The following DET1 variants were observed in gnomAD, a reference collection of about 807,000 sequenced individuals.
DET1 encodes the protein DET1 homolog.
Under a neutral mutation model 43.7 loss-of-function variants are expected in DET1, and 22 were observed. That is an observed-to-expected ratio of 0.50 (90% confidence interval 0.36 to 0.72). The LOEUF (loss-of-function observed/expected upper bound fraction) is 0.72. DET1 is among the 30% of genes least tolerant of loss of function. DET1 has a pLI of 0.00. For synonymous variants in DET1, 315 were observed against 266.2 expected, an observed-to-expected ratio of 1.18 and a Z score of -1.79; for missense variants, 713 against 713.3, an observed-to-expected ratio of 1.00 and a Z score of 0.00.
intron 8 of DET1, chr15:88,502,806 C>T (rs1211233960): frequency 6.6e-6 from 1 of 152,220 alleles, no homozygotes; most frequent in Non-Finnish European, 1.5e-5. Flanking sequence ...CAAGGCACCT[C>T]TTTCTAAGAG....
rs368867850 is a variant in DET1 at position 88,513,122 on chromosome 15, C to T, written c.1482G>A (p.Ser494=). ...DHPIRFYARD[S]GLLKFEIQAG... ...CCTGGATCTCAAACTTGAGCAGGCC[C>T]GAGTCCCGGGCATAGAACCTAAAAA... Residue 494 remains serine, a synonymous_variant, in exon 5 of 5, where the codon TCG becomes TCA. Coordinates refer to ENST00000268148, the MANE Select transcript of DET1 (RefSeq NM_001144074.3). The T allele has an allele frequency of 2.4e-5, 38 of 1,612,128 alleles. No homozygotes were observed. The Admixed American group carries it at 2.5e-4, about 11-fold the overall frequency.
chr15:88,514,433 A>G (rs1367032714), intron 4 of DET1, among the ~76,000 whole-genome samples: 8 of 152,232 alleles, frequency 5.3e-5, no homozygotes, highest in Non-Finnish European at 8.8e-5. Flanking sequence ...ATAATCTCAT[A>G]TCCAAGAATT....
At chr15:88,505,086 ACTT>A (rs1246117005) in intron 7 of DET1, 1 of 152,062 alleles carries the variant, frequency 6.6e-6, no homozygotes, top group African/African-American at 2.4e-5. Context: ...CTCTAGTTTC[ACTT>A]CTTTCTATAT....
chr15:88,518,992 T>G (rs532471474), intron 3 of DET1, among the ~76,000 whole-genome samples: 2 of 152,246 alleles, frequency 1.3e-5, no homozygotes, highest in South Asian at 4.1e-4. Context: ...TTTTTCCCTT[T>G]CATTTGAGCT....
In DET1 at chr15:88,527,591, C is replaced by T. The variant is rs545648524; in HGVS notation, c.1271+8G>A. 16 of 1,584,978 alleles carry T rather than the reference C, an allele frequency of 1.0e-5. No individual in the cohort carries two copies. In the South Asian group the frequency reaches 1.8e-4, roughly 18 times the overall value. ...GAAAAGACTGTTGAGTCTGGTGGAA[C>T]AGCTTACCGGCGCTGGATCTGCCTT... On this transcript the variant is annotated splice_region_variant and intron_variant, in intron 3 of 4. Coordinates refer to ENST00000268148, the MANE Select transcript of DET1 (RefSeq NM_001144074.3).
intron 1 of DET1, among the ~76,000 whole-genome samples, chr15:88,535,412 C>A (rs981131335): frequency 2.0e-5 from 3 of 151,054 alleles, no homozygotes. Context: ...GTTGTAACAC[C>A]CTGATCTTGA....
downstream of DET1, among the ~76,000 whole-genome samples, chr15:88,509,012 A>G (rs1209434809): frequency 6.6e-6 from 1 of 152,196 alleles, no homozygotes; most frequent in African/African-American, 2.4e-5. Context: ...CTTTTAGAGA[A>G]GCAGGGATTA....
At chr15:88,527,455 C>A in intron 3 of DET1, 144 bp downstream of exon 3, 2 of 679,170 alleles carry the variant, frequency 2.9e-6, no homozygotes, top group Non-Finnish European at 2.3e-6. Flanking sequence ...GAAAGAAGTT[C>A]AGGAAGAAAC....
At chr15:88,503,840 A>T (rs933929284) in intron 8 of DET1, 58 of 152,158 alleles carry the variant, frequency 3.8e-4, no homozygotes, top group African/African-American at 1.4e-3. Flanking sequence ...TCTACAAAAA[A>T]TTAAAAACAA....
intron 1 of DET1, among the ~76,000 whole-genome samples, chr15:88,540,287 C>T (rs1251121412): frequency 1.3e-5 from 2 of 152,016 alleles, no homozygotes; most frequent in East Asian, 3.9e-4. Flanking sequence ...CCTCTAGTCC[C>T]CCTCCCTCAA....
Position 88,530,854 on chromosome 15 carries a change from G to A in DET1, c.852C>T (p.Ala284=), listed in dbSNP as rs1261049945. The change falls in exon 2 of 5, where the codon GCC becomes GCT. Residue 284 remains alanine, a synonymous_variant. Coordinates refer to ENST00000268148, the MANE Select transcript of DET1 (RefSeq NM_001144074.3). ...TGATGAAAGGATCCCTAAAGGGATT[G>A]GCCATGCCTGTCTGACTGTCCCGCT... ...EVQRDSQTGM[A]NPFRDPFINS... 1.2e-6 allele frequency: 2 copies of A among 1,613,862 alleles called. No individual in the cohort carries two copies. The highest frequency in any genetic ancestry group is 2.7e-5 in the African/African-American group (2 of 74,916).
chr15:88,545,996 T>C (rs965024046), intron 1 of DET1, among the ~76,000 whole-genome samples: 1 of 151,714 alleles, frequency 6.6e-6, no homozygotes, highest in Non-Finnish European at 1.5e-5. Context: ...CACCTGGAAC[T>C]GTTTACTTTC....
chr15:88,512,895 A>T lies in DET1; in HGVS notation c.*56T>A. 6.3e-7 allele frequency: 1 copy of T among 1,591,936 alleles called. No individual in the cohort carries two copies. Among genetic ancestry groups the T allele is most frequent in the Non-Finnish European group, 8.6e-7 (1 of 1,165,834 alleles). On this transcript the variant is annotated 3_prime_UTR_variant, in exon 5 of 5. Transcript: ENST00000268148. ...GGAGCTTTTGCTTTGGAGTCCACTG[A>T]GATAAGTGAGTGGCAAAGTCTTGGA...
rs189379627 is a variant in DET1 at position 88,544,785 on chromosome 15, G to A, written c.-11+1755C>T. ...TCTAAAACTGTGCCTAAGTCAGGACGTGTATTTGCAAACACCACTTGGAGG... is the reference window on the plus strand; with the variant it reads ...TCTAAAACTGTGCCTAAGTCAGGACATGTATTTGCAAACACCACTTGGAGG... On this transcript the variant is annotated intron_variant, in intron 1 of 4. Coordinates refer to ENST00000268148, the MANE Select transcript of DET1 (RefSeq NM_001144074.3). Among the ~76,000 whole-genome samples the A allele has an allele frequency of 5.9e-5, 9 of 152,230 alleles. No individual in the cohort carries two copies. In the East Asian group the frequency reaches 7.7e-4, roughly 13 times the overall value.
chr15:88,502,561 C>T (rs1260959587), intron 8 of DET1: 1 of 152,236 alleles, frequency 6.6e-6, no homozygotes, highest in African/African-American at 2.4e-5. Context: ...CTTCTGCTCA[C>T]TAGAGTTAAT....
At chr15:88,513,622 G>GT (rs34991328) in intron 4 of DET1, among the ~76,000 whole-genome samples, 6,449 of 115,322 alleles carry the variant, frequency 0.056, 417 homozygotes, top group East Asian at 0.21. Context: ...CTATTAGTGA[G>GT]TTTTTTTTTT....
intron 3 of DET1, among the ~76,000 whole-genome samples, chr15:88,522,610 G>A (rs1374301825): frequency 1.4e-5 from 2 of 141,486 alleles, no homozygotes; most frequent in African/African-American, 2.6e-5. Context: ...CTGGGTTCAC[G>A]CCATTCTCCT....
At position 88,531,899 on chromosome 15, in the gene DET1, G is replaced by T; in HGVS notation, c.-10-184C>A. 1.6e-6 allele frequency: 1 copy of T among 613,174 alleles called. No homozygotes were observed. The highest frequency in any genetic ancestry group is 2.8e-6 in the Non-Finnish European group (1 of 359,784). 38.0% of individuals were successfully genotyped at this position (613,174 alleles called of 1,614,324 possible). A position where few individuals can be genotyped will look rare whatever the true frequency, so the allele number is the denominator to read the frequency against. ...AGTGGTCCTAACATTTCTAAGTCTAGAAACAGGTCTAAGGGAAGGATCTAG... is the reference window on the plus strand; with the variant it reads ...AGTGGTCCTAACATTTCTAAGTCTATAAACAGGTCTAAGGGAAGGATCTAG... On this transcript the variant is annotated intron_variant, in intron 1 of 4. Coordinates refer to ENST00000268148, the MANE Select transcript of DET1 (RefSeq NM_001144074.3). The surrounding 1 kb of genome is among the most constrained non-coding windows in gnomAD (Gnocchi z 6.2).
intron 1 of DET1, among the ~76,000 whole-genome samples, chr15:88,541,874 C>T (rs1598351972): frequency 6.6e-6 from 1 of 152,176 alleles, no homozygotes; most frequent in South Asian, 2.1e-4. Flanking sequence ...GGACATGTCT[C>T]TTCGAGGAGA....
Sources: allele counts gnomAD v4.1 joint callset (sites outside exome capture counted in the v4.1 genomes callset), GRCh38; gene constraint gnomAD v4.1.1; non-coding constraint Gnocchi (gnomAD v3.1); transcripts MANE v1.5; gene names NCBI Gene and HGNC (gene_info 2026-07-23, HGNC 2026-07-21).